The following PLCB4 variants were observed in gnomAD, a reference collection of about 807,000 sequenced individuals.
PLCB4 encodes the protein phospholipase C beta 4, also known as 1-phosphatidylinositol 4,5-bisphosphate phosphodiesterase beta-4.
PLCB4 carries 77 observed loss-of-function variants against 178.8 expected under a neutral mutation model. The ratio of observed to expected loss-of-function variants is 0.43; its 90% confidence interval spans 0.36 to 0.52. The LOEUF is 0.52. Ranked by LOEUF, PLCB4 falls within the 20% of genes least tolerant of loss-of-function variation. The probability of loss-of-function intolerance (pLI) is 0.00; values close to 1 mark genes in which losing one functional copy is unlikely to be tolerated. For missense variants in PLCB4, 1,024 were observed against 1,453.4 expected (o/e 0.70, Z 4.80); for synonymous variants, 496 against 490.8 (o/e 1.01, Z -0.14).
At chr20:9,149,609 G>GCA (rs1364639674) in intron 2 of PLCB4, among the ~76,000 whole-genome samples, 1 of 151,546 alleles carries the variant, frequency 6.6e-6, no homozygotes, top group Non-Finnish European at 1.5e-5. Context: ...AAGCAATAGA[G>GCA]CACAGTGGTT....
At chr20:9,445,239 T>C (rs989225012) in intron 32 of PLCB4, among the ~76,000 whole-genome samples, 2 of 152,236 alleles carry the variant, frequency 1.3e-5, no homozygotes, top group African/African-American at 4.8e-5. Flanking sequence ...CAGCTGCTGC[T>C]GGTAGGATAA....
intron 1 of PLCB4, among the ~76,000 whole-genome samples, chr20:9,077,020 A>G (rs1052786362): frequency 1.3e-5 from 2 of 152,144 alleles, no homozygotes; most frequent in Non-Finnish European, 2.9e-5. Flanking sequence ...TACATGTATA[A>G]GTATATATAC....
At chr20:9,312,396 A>ACACACG (rs1491216249) in intron 4 of PLCB4, among the ~76,000 whole-genome samples, 7 of 146,618 alleles carry the variant, frequency 4.8e-5, no homozygotes, top group African/African-American at 1.8e-4. Flanking sequence ...ACACACACAC[A>ACACACG]CGCACGCACT....
chr20:9,301,187 G>A (rs866127365), intron 3 of PLCB4, among the ~76,000 whole-genome samples: 3 of 151,768 alleles, frequency 2.0e-5, no homozygotes, highest in Admixed American at 6.6e-5. Flanking sequence ...AAGATCTTTC[G>A]CTTAATCTCA....
At chr20:9,332,531 TTGATGAGC>T (rs2031833258) in intron 4 of PLCB4, among the ~76,000 whole-genome samples, 1 of 151,732 alleles carries the variant, frequency 6.6e-6, no homozygotes, top group African/African-American at 2.4e-5. Context: ...TCAGCCACAG[TTGATGAGC>T]TGATTGTGGG....
chr20:9,208,028 TG>T (rs2093632804), intron 2 of PLCB4, among the ~76,000 whole-genome samples: 1 of 152,216 alleles, frequency 6.6e-6, no homozygotes, highest in African/African-American at 2.4e-5. Context: ...ACTCACCTCT[TG>T]GTCATGGACA....
At chr20:9,141,340 A>G (rs1353842946) in intron 2 of PLCB4, among the ~76,000 whole-genome samples, 36 of 152,204 alleles carry the variant, frequency 2.4e-4, no homozygotes, top group Non-Finnish European at 8.8e-5. Flanking sequence ...CATAATCTCC[A>G]TGAGATAACC....
intron 14 of PLCB4, among the ~76,000 whole-genome samples, chr20:9,386,909 T>C (rs2037717281): frequency 6.8e-6 from 1 of 147,338 alleles, no homozygotes; most frequent in Non-Finnish European, 1.5e-5. Flanking sequence ...TTTTTTTTAA[T>C]TGGGACAGAG....
intron 25 of PLCB4, among the ~76,000 whole-genome samples, chr20:9,415,285 T>G (rs1363844948): frequency 6.6e-6 from 1 of 152,240 alleles, no homozygotes; most frequent in Non-Finnish European, 1.5e-5. Context: ...TTAGGTTCTA[T>G]TTTAATATTT....
chr20:9,276,408 G>A (rs2094451023), intron 3 of PLCB4, among the ~76,000 whole-genome samples: 1 of 152,026 alleles, frequency 6.6e-6, no homozygotes, highest in Admixed American at 6.6e-5. Context: ...CCTGAGAAGA[G>A]GAGCCAGATG....
intron 7 of PLCB4, among the ~76,000 whole-genome samples, chr20:9,359,652 A>T (rs1349384231): frequency 1.3e-5 from 2 of 152,220 alleles, no homozygotes; most frequent in African/African-American, 4.8e-5. Flanking sequence ...CCCGTGTGGC[A>T]GAAGTCATCT....
intron 28 of PLCB4, among the ~76,000 whole-genome samples, chr20:9,431,737 T>C (rs1205804255): frequency 2.0e-5 from 3 of 151,728 alleles, no homozygotes; most frequent in Non-Finnish European, 4.4e-5. Flanking sequence ...CTTAAATTCT[T>C]GACCTCAAAT....
At chr20:9,393,827 C>G in intron 18 of PLCB4, 149 bp downstream of exon 18, 1 of 484,988 alleles carries the variant, frequency 2.1e-6, no homozygotes, top group Non-Finnish European at 3.6e-6. Context: ...GCAAGATTGC[C>G]ACATTTCCAT....
chr20:9,448,819 A>G (rs1291884117), intron 32 of PLCB4, among the ~76,000 whole-genome samples: 2 of 152,148 alleles, frequency 1.3e-5, no homozygotes, highest in African/African-American at 4.8e-5. Flanking sequence ...AAATAAATGT[A>G]TGGTCCCAAG....
At chr20:9,471,204 G>A (rs1014546662) in intron 36 of PLCB4, among the ~76,000 whole-genome samples, 11 of 152,140 alleles carry the variant, frequency 7.2e-5, no homozygotes, top group African/African-American at 2.4e-4. Context: ...TTTAAAAGAT[G>A]TGAAAATTAA....
At chr20:9,256,677 C>T (rs913737173) in intron 3 of PLCB4, among the ~76,000 whole-genome samples, 3 of 152,154 alleles carry the variant, frequency 2.0e-5, no homozygotes, top group Admixed American at 1.3e-4. Context: ...TTGTCTTCTC[C>T]CTTGAGGAAC....
chr20:9,219,587 C>A (rs1030611653), intron 3 of PLCB4, among the ~76,000 whole-genome samples: 1 of 152,196 alleles, frequency 6.6e-6, no homozygotes, highest in Non-Finnish European at 1.5e-5. Flanking sequence ...CCAGATGTCA[C>A]CTGGTGGTTG....
intron 2 of PLCB4, among the ~76,000 whole-genome samples, chr20:9,121,812 A>G (rs2091969716): frequency 6.6e-6 from 1 of 152,190 alleles, no homozygotes. Flanking sequence ...ATGTTTTCCA[A>G]TTGCTTATAT....
chr20:9,258,063 C>T (rs1225980708), intron 3 of PLCB4, among the ~76,000 whole-genome samples: 1 of 152,058 alleles, frequency 6.6e-6, no homozygotes, highest in Non-Finnish European at 1.5e-5. Flanking sequence ...GAGAATCATT[C>T]CACGTGGTCC....
Sources: allele counts gnomAD v4.1 joint callset (sites outside exome capture counted in the v4.1 genomes callset), GRCh38; gene constraint gnomAD v4.1.1; transcripts MANE v1.5; gene names NCBI Gene and HGNC (gene_info 2026-07-23, HGNC 2026-07-21).